Variants in BANK1 observed in about 807,000 individuals in gnomAD.
The protein encoded by BANK1 is B-cell scaffold protein with ankyrin repeats.
Under a neutral mutation model 94.5 loss-of-function variants are expected in BANK1, and 95 were observed. That is an observed-to-expected ratio of 1.00 (90% CI 0.85 to 1.19). BANK1 has a LOEUF of 1.19. Ranked by LOEUF, BANK1 falls within the 50% of genes most tolerant of loss-of-function variation. BANK1 has a pLI of 0.00. For missense variants in BANK1, 987 were observed against 932.2 expected, an observed-to-expected ratio of 1.06 and a Z score of -0.77; for synonymous variants, 334 against 308.4, an observed-to-expected ratio of 1.08 and a Z score of -0.87.
At chr4:102,072,062 A>T (rs1728779215) in intron 14 of BANK1, among the ~76,000 whole-genome samples, 1 of 152,146 alleles carries the variant, frequency 6.6e-6, no homozygotes, top group African/African-American at 2.4e-5. Flanking sequence ...AAGAAGGAGT[A>T]ATCAAGTGGA....
chr4:101,870,435 C>G, intron 4 of BANK1, 70 bp from the exon 5 acceptor site: 1 of 1,317,726 alleles, frequency 7.6e-7, no homozygotes, highest in Non-Finnish European at 1.0e-6. Flanking sequence ...CTTTTATATT[C>G]TCTAAAAGAT....
At chr4:102,063,851 A>C (rs188767587) in intron 13 of BANK1, among the ~76,000 whole-genome samples, 1 of 152,072 alleles carries the variant, frequency 6.6e-6, no homozygotes, top group African/African-American at 2.4e-5. Flanking sequence ...GAAATGATTA[A>C]AGAGACATGC....
chr4:102,005,943 A>G (rs1453083467), intron 7 of BANK1, among the ~76,000 whole-genome samples: 1 of 152,080 alleles, frequency 6.6e-6, no homozygotes, highest in Non-Finnish European at 1.5e-5. Context: ...AATATTGCGT[A>G]TAAAGAAAAA....
chr4:101,834,076 C>T (rs1192108858), intron 2 of BANK1, among the ~76,000 whole-genome samples: 1 of 152,110 alleles, frequency 6.6e-6, no homozygotes, highest in African/African-American at 2.4e-5. Context: ...GTTGTTTTGG[C>T]CACTTGAGCT....
intron 7 of BANK1, among the ~76,000 whole-genome samples, chr4:101,940,692 G>A (rs1163650283): frequency 2.6e-5 from 4 of 151,708 alleles, no homozygotes; most frequent in South Asian, 2.1e-4. Context: ...TTTTTCTCAC[G>A]ATTAAACTGA....
chr4:101,983,837 A>G (rs938456988), intron 7 of BANK1, among the ~76,000 whole-genome samples: 1 of 152,098 alleles, frequency 6.6e-6, no homozygotes, highest in Non-Finnish European at 1.5e-5. Flanking sequence ...TATTTTAATT[A>G]ATTTGTCAAA....
intron 7 of BANK1, among the ~76,000 whole-genome samples, chr4:101,979,247 GA>G (rs1367814825): frequency 1.3e-5 from 2 of 151,310 alleles, no homozygotes; most frequent in African/African-American, 4.8e-5. Context: ...GCTTTCTTAA[GA>G]AAAAAAACAG....
At chr4:101,862,702 T>C (rs768360738) in intron 4 of BANK1, 38 bp downstream of exon 4, 9 of 1,516,828 alleles carry the variant, frequency 5.9e-6, no homozygotes, top group South Asian at 1.3e-5. Context: ...TAAAACATTA[T>C]CCTGAGTTCC....
chr4:101,956,186 G>A (rs560865484), intron 7 of BANK1, among the ~76,000 whole-genome samples: 93 of 152,140 alleles, frequency 6.1e-4, no homozygotes, highest in African/African-American at 2.0e-3. Flanking sequence ...ACTGCTCCTT[G>A]ACTATGTTTT....
chr4:102,066,523 C>T (rs1258011409), intron 13 of BANK1, among the ~76,000 whole-genome samples: 3 of 152,134 alleles, frequency 2.0e-5, no homozygotes, highest in South Asian at 2.1e-4. Flanking sequence ...TCCCAAAGTG[C>T]TGGGATTACA....
chr4:101,895,406 C>G lies in BANK1; in HGVS notation c.1005C>G (p.Asn335Lys). 1 of 1,526,382 alleles carries G rather than the reference C, an allele frequency of 6.6e-7. No homozygotes were observed. The highest frequency in any genetic ancestry group is 9.0e-7 in the Non-Finnish European group (1 of 1,109,658). The allele number at this position is 1,526,382 out of a possible 1,614,324, so 94.6% of individuals were successfully genotyped here. A position where few individuals can be genotyped will look rare whatever the true frequency, so the allele number is the denominator to read the frequency against. Reference sequence around the variant, plus strand: ...TTCAAACTGAAATTTGTTCTCAAAACAAATGTGAGTATTTTCCAGCTGCAT... The same window carrying G: ...TTCAAACTGAAATTTGTTCTCAAAAGAAATGTGAGTATTTTCCAGCTGCAT... ...QSLQTEICSQ[N>K]KYTHFKELPT... is the part of the protein sequence containing the mutation. Residue 335 changes from asparagine to lysine, a missense_variant, in exon 6 of 17, where the codon AAC becomes AAG. Asn to Lys is a moderately conservative substitution (Grantham distance 94). Coordinates refer to ENST00000322953, the MANE Select transcript of BANK1 (RefSeq NM_017935.5).
intron 11 of BANK1, among the ~76,000 whole-genome samples, chr4:102,051,297 T>C (rs942913452): frequency 6.6e-6 from 1 of 152,194 alleles, no homozygotes; most frequent in Admixed American, 6.5e-5. Context: ...ATGGCCTCAG[T>C]TCCCTTTTCC....
At chr4:101,793,982 C>T (rs963240157) in intron 1 of BANK1, among the ~76,000 whole-genome samples, 3 of 151,460 alleles carry the variant, frequency 2.0e-5, no homozygotes, top group African/African-American at 7.3e-5. Context: ...ATCAAGCTCT[C>T]GTATCAAAAA....
At chr4:101,832,976 A>T in intron 2 of BANK1, among the ~76,000 whole-genome samples, 3 of 139,320 alleles carry the variant, frequency 2.2e-5, no homozygotes, top group African/African-American at 2.7e-5. Flanking sequence ...ATGCTTGTTC[A>T]GGTTTCTTTC....
At chr4:101,859,131 T>G (rs17031717) in intron 3 of BANK1, among the ~76,000 whole-genome samples, 3,948 of 152,300 alleles carry the variant, frequency 0.026, 180 homozygotes, top group African/African-American at 0.091. Flanking sequence ...TAACCAACCT[T>G]AACTTAAAGC....
In BANK1 at chr4:102,070,848, C is replaced by A. The variant is rs564303026; in HGVS notation, c.2213-427C>A. On this transcript the variant is annotated intron_variant, in intron 13 of 16. Transcript: ENST00000322953. ...TCTACGGAGATAAAATGGTCTCTAT[C>A]CTAATTAAGTTGGTGGGTACATGGC... is the stretch of plus-strand genomic sequence containing the variant. Among the ~76,000 whole-genome samples, 12 of 152,176 alleles carry A rather than the reference C, an allele frequency of 7.9e-5. No homozygotes were observed. In the South Asian group the frequency reaches 1.2e-3, roughly 16 times the overall value.
chr4:101,887,182 A>G (rs1358329727), intron 5 of BANK1, among the ~76,000 whole-genome samples: 1 of 152,222 alleles, frequency 6.6e-6, no homozygotes, highest in African/African-American at 2.4e-5. Context: ...TGAAGATGAT[A>G]TATAACAGTG....
chr4:101,950,018 G>GGTGTGTGTGT (rs6148602), intron 7 of BANK1, among the ~76,000 whole-genome samples: 185 of 149,398 alleles, frequency 1.2e-3, no homozygotes, highest in South Asian at 3.4e-3. Flanking sequence ...GGAAGTAAGG[G>GGTGTGTGTGT]GTGTGTGTGT....
At chr4:102,001,994 T>C (rs1726092409) in intron 7 of BANK1, among the ~76,000 whole-genome samples, 1 of 152,226 alleles carries the variant, frequency 6.6e-6, no homozygotes, top group South Asian at 2.1e-4. Flanking sequence ...TCTGAAGCCC[T>C]ACTCTTCAGA....
Sources: allele counts gnomAD v4.1 joint callset (sites outside exome capture counted in the v4.1 genomes callset), GRCh38; gene constraint gnomAD v4.1.1; transcripts MANE v1.5; gene names NCBI Gene and HGNC (gene_info 2026-07-23, HGNC 2026-07-21).